Variants in CAMK2D observed in about 807,000 individuals in gnomAD.
The protein encoded by CAMK2D is calcium/calmodulin dependent protein kinase II delta.
In CAMK2D, 37 loss-of-function variants were observed where a neutral mutation model predicts 84.0. The ratio of observed to expected loss-of-function variants is 0.44; its 90% confidence interval spans 0.34 to 0.58. The LOEUF (loss-of-function observed/expected upper bound fraction) is 0.58. CAMK2D is among the 20% of genes least tolerant of loss of function. The pLI, the probability that CAMK2D is intolerant of heterozygous loss-of-function variation, is 0.02. For synonymous variants in CAMK2D, 202 were observed against 212.5 expected, an observed-to-expected ratio of 0.95 and a Z score of 0.43; for missense variants, 448 against 652.5, an observed-to-expected ratio of 0.69 and a Z score of 3.41.
chr4:113,471,741 C>T (rs553523287), intron 16 of CAMK2D, among the ~76,000 whole-genome samples: 3 of 152,252 alleles, frequency 2.0e-5, no homozygotes, highest in African/African-American at 7.2e-5. Context: ...GCCTCTCTCA[C>T]TCCTCACTGT....
chr4:113,709,782 T>TGA (rs1354804379), intron 2 of CAMK2D, among the ~76,000 whole-genome samples: 5 of 127,272 alleles, frequency 3.9e-5, no homozygotes, highest in Non-Finnish European at 8.2e-5. Context: ...TATATATATA[T>TGA]GAGAGACTTC....
At chr4:113,601,431 GA>G (rs770718558) in intron 4 of CAMK2D, among the ~76,000 whole-genome samples, 5 of 146,196 alleles carry the variant, frequency 3.4e-5, no homozygotes, top group Admixed American at 1.4e-4. Flanking sequence ...CTTTCATGAG[GA>G]AAAAAAAAAC....
intron 2 of CAMK2D, chr4:113,754,542 C>T: frequency 1.0e-6 from 1 of 972,576 alleles, no homozygotes; most frequent in Non-Finnish European, 1.2e-6. Context: ...ATTGTCTAAA[C>T]AAAGTTCTCA....
intron 6 of CAMK2D, among the ~76,000 whole-genome samples, chr4:113,543,366 C>T (rs1286177466): frequency 1.4e-5 from 2 of 147,072 alleles, no homozygotes. Context: ...ATGCTTTTCA[C>T]ATATGTATAT....
rs540253718 is a variant in CAMK2D, at chr4:113,679,452, T to C, written c.161-17680A>G. The stretch of plus-strand genomic sequence containing the variant: ...TTCTTAATTCTTCCCTAGATGTCCA[T>C]CATATATTCCAGCCACATATTCTCC... On this transcript the variant is annotated intron_variant, in intron 2 of 20. Coordinates refer to ENST00000511664, the MANE Select transcript of CAMK2D (RefSeq NM_001321571.2). 1.6e-5 allele frequency: 16 copies of C among 979,900 alleles called. No homozygotes were observed. The East Asian group carries it at 1.8e-3, about 111-fold the overall frequency. 60.7% of individuals were successfully genotyped at this position (979,900 alleles called of 1,614,324 possible).
At chr4:113,725,819 T>A (rs1301745145) in intron 2 of CAMK2D, among the ~76,000 whole-genome samples, 1 of 152,188 alleles carries the variant, frequency 6.6e-6, no homozygotes, top group African/African-American at 2.4e-5. Flanking sequence ...AGTCTTTATG[T>A]TAAATGGACA....
chr4:113,674,720 T>C (rs1435054833), intron 2 of CAMK2D, among the ~76,000 whole-genome samples: 1 of 152,130 alleles, frequency 6.6e-6, no homozygotes, highest in Non-Finnish European at 1.5e-5. Flanking sequence ...ATTTCTGACT[T>C]GTGTTAATCC....
chr4:113,761,401 G>A lies in CAMK2D; in HGVS notation c.-333C>T, dbSNP rs1472297656. 1.6e-6 allele frequency: 2 copies of A among 1,246,282 alleles called. No individual in the cohort carries two copies. The highest frequency in any genetic ancestry group is 1.5e-5 in the African/African-American group (1 of 65,260). 77.2% of individuals were successfully genotyped at this position (1,246,282 alleles called of 1,614,324 possible). On this transcript the variant is annotated 5_prime_UTR_variant, in exon 1 of 21. Coordinates refer to ENST00000511664, the MANE Select transcript of CAMK2D (RefSeq NM_001321571.2). ...GTAAAGTACTCAAGAAGAGGGGGCC[G>A]GGAAATGGAAAAACAGCCAGGCACG...
intron 16 of CAMK2D, among the ~76,000 whole-genome samples, chr4:113,490,182 A>G (rs900569785): frequency 1.2e-4 from 18 of 146,708 alleles, no homozygotes; most frequent in Middle Eastern, 3.5e-3. Context: ...TTTTGTTGCC[A>G]TTGCTTTTGG....
At chr4:113,636,465 C>G (rs1306560108) in intron 3 of CAMK2D, among the ~76,000 whole-genome samples, 4 of 152,240 alleles carry the variant, frequency 2.6e-5, no homozygotes, top group Non-Finnish European at 5.9e-5. Flanking sequence ...CAGCTCACTC[C>G]TCTCTTCAGA....
chr4:113,592,021 G>A (rs2098889769), intron 4 of CAMK2D, among the ~76,000 whole-genome samples: 1 of 152,048 alleles, frequency 6.6e-6, no homozygotes, highest in East Asian at 1.9e-4. Flanking sequence ...AAAGTTCTTT[G>A]CATATAATTA....
intron 16 of CAMK2D, among the ~76,000 whole-genome samples, chr4:113,467,939 C>T (rs2097496496): frequency 9.0e-6 from 1 of 111,272 alleles, no homozygotes; most frequent in Non-Finnish European, 1.7e-5. Context: ...ATCCTCATTT[C>T]AAACTAACAG....
At chr4:113,712,730 G>A (rs1206102293) in intron 2 of CAMK2D, among the ~76,000 whole-genome samples, 4 of 151,082 alleles carry the variant, frequency 2.6e-5, no homozygotes, top group African/African-American at 4.9e-5. Context: ...TTTATCCACC[G>A]CCATGTTTAA....
intron 17 of CAMK2D, among the ~76,000 whole-genome samples, chr4:113,461,771 G>A (rs907409111): frequency 1.3e-5 from 2 of 152,218 alleles, no homozygotes. Context: ...TAATTTCATA[G>A]AGAAATTCCC....
intron 2 of CAMK2D, chr4:113,755,040 T>G (rs890311641): frequency 1.0e-6 from 1 of 984,688 alleles, no homozygotes; most frequent in African/African-American, 1.7e-5. Context: ...CTACTTCCAA[T>G]TCAAGACAAG....
rs558474494 is a variant in CAMK2D, at chr4:113,622,857, A to T, written c.221-13651T>A. Among the ~76,000 whole-genome samples the T allele has an allele frequency of 5.1e-4, 78 of 152,234 alleles. No homozygotes were observed. In the Middle Eastern group the frequency reaches 0.017, roughly 33 times the overall value. ...GACATGATGAAACACTGTTTAACTG[A>T]CTCACCTGAGGATTATCTAATTCTC... On this transcript the variant is annotated intron_variant, in intron 3 of 20. Transcript: ENST00000511664.
intron 5 of CAMK2D, 91 bp downstream of exon 5, chr4:113,551,940 G>A (rs2098632403): frequency 1.7e-6 from 1 of 583,328 alleles, no homozygotes; most frequent in African/African-American, 1.9e-5. Context: ...TAAAACATTT[G>A]TTTGTACAAA....
chr4:113,641,207 G>A (rs538867737), intron 3 of CAMK2D, among the ~76,000 whole-genome samples: 4 of 152,254 alleles, frequency 2.6e-5, no homozygotes, highest in Non-Finnish European at 2.9e-5. Flanking sequence ...GAGCAGATGA[G>A]GAAGTGAAGA....
intron 17 of CAMK2D, among the ~76,000 whole-genome samples, chr4:113,464,274 C>T (rs2097429495): frequency 1.3e-5 from 2 of 152,196 alleles, no homozygotes; most frequent in South Asian, 4.1e-4. Context: ...TATATTTCCT[C>T]CTCTGATAAT....
Sources: allele counts gnomAD v4.1 joint callset (sites outside exome capture counted in the v4.1 genomes callset), GRCh38; gene constraint gnomAD v4.1.1; transcripts MANE v1.5; gene names NCBI Gene and HGNC (gene_info 2026-07-23, HGNC 2026-07-21).